ANK1: variants seen among roughly 807,000 people sequenced by gnomAD.
The protein encoded by ANK1 is ankyrin-1.
ANK1 carries 51 observed loss-of-function variants against 210.4 expected under a neutral mutation model. The observed-to-expected ratio is 0.24, with a 90% CI of 0.19 to 0.31. The LOEUF is 0.31. Among genes scored for constraint, ANK1 ranks in the 10% least tolerant of loss-of-function variants. ANK1 has a pLI of 1.00. For missense variants in ANK1, 2,051 were observed against 2,504.4 expected (o/e 0.82, Z 3.86); for synonymous variants, 967 against 1,025.9 (o/e 0.94, Z 1.10).
chr8:41,880,425 A>G (rs1483017325), intron 1 of ANK1, among the ~76,000 whole-genome samples: 2 of 152,240 alleles, frequency 1.3e-5, no homozygotes, highest in African/African-American at 4.8e-5. Context: ...AAGGCATTCC[A>G]GGAGTGATTT....
intron 3 of ANK1, among the ~76,000 whole-genome samples, chr8:41,730,427 AC>A (rs1831857770): frequency 6.7e-6 from 1 of 149,492 alleles, no homozygotes; most frequent in African/African-American, 2.5e-5. Flanking sequence ...AAACAGTGAG[AC>A]CCAGTCTGTC....
At chr8:41,743,822 AT>A (rs1426990117) in intron 2 of ANK1, among the ~76,000 whole-genome samples, 1 of 152,214 alleles carries the variant, frequency 6.6e-6, no homozygotes, top group Non-Finnish European at 1.5e-5. Flanking sequence ...ATATATATAT[AT>A]ACATAGACAG....
rs568303718 is a variant in ANK1, at chr8:41,860,250, C to G, written c.126+36105G>C. 1.3e-4 allele frequency among the ~76,000 whole-genome samples: 20 copies of G among 152,284 alleles called. 1 individual carries two copies. In the South Asian group the frequency reaches 3.9e-3, roughly 30 times the overall value. On this transcript the variant is annotated intron_variant, in intron 1 of 42. Coordinates refer to the ANK1 transcript ENST00000265709. Reference sequence around the variant, plus strand: ...TAAGAATAGCTCGAGATTTATCCCCCACGCTGGACAGTCCTGCTTGGCCCA... The same window carrying G: ...TAAGAATAGCTCGAGATTTATCCCCGACGCTGGACAGTCCTGCTTGGCCCA...
intron 39 of ANK1, chr8:41,665,442 C>CTGTGT (rs1810170705): frequency 2.3e-6 from 1 of 425,536 alleles, no homozygotes; most frequent in African/African-American, 2.1e-5. Context: ...CCGCCCTGCC[C>CTGTGT]AGAGACCTGG....
chr8:41,812,848 T>C (rs1295127721), intron 1 of ANK1, among the ~76,000 whole-genome samples: 2 of 152,150 alleles, frequency 1.3e-5, no homozygotes, highest in African/African-American at 4.8e-5. Context: ...AACACTCCTA[T>C]GAGAATCTGA....
At chr8:41,671,615 G>GCCCTCCCGGC (rs1258174349) in intron 38 of ANK1, among the ~76,000 whole-genome samples, 392 of 147,464 alleles carry the variant, frequency 2.7e-3, no homozygotes, top group Middle Eastern at 0.011. Flanking sequence ...CCCTAAGTGA[G>GCCCTCCCGGC]ACCTCCCGGC....
intron 1 of ANK1, among the ~76,000 whole-genome samples, chr8:41,770,766 A>G (rs1316483446): frequency 6.6e-6 from 1 of 152,236 alleles, no homozygotes; most frequent in Non-Finnish European, 1.5e-5. Flanking sequence ...CACAACTACA[A>G]ACATGTTGCT....
intron 1 of ANK1, among the ~76,000 whole-genome samples, chr8:41,803,805 A>G (rs1315569873): frequency 1.3e-5 from 2 of 151,884 alleles, no homozygotes; most frequent in African/African-American, 4.8e-5. Context: ...CTTTTTTGTG[A>G]AGGTGGTACA....
intron 1 of ANK1, among the ~76,000 whole-genome samples, chr8:41,861,433 G>A (rs1035078092): frequency 1.3e-5 from 2 of 152,358 alleles, no homozygotes; most frequent in African/African-American, 4.8e-5. Flanking sequence ...AAGGGCCTGC[G>A]TGAAATTAAC....
intron 1 of ANK1, among the ~76,000 whole-genome samples, chr8:41,768,438 A>G (rs761238525): frequency 1.2e-4 from 19 of 152,226 alleles, no homozygotes; most frequent in African/African-American, 3.9e-4. Context: ...CTCAGCGCCT[A>G]TTAGCTGATG....
At chr8:41,723,723 G>T in intron 7 of ANK1, 90 bp from the exon 8 acceptor site, 3 of 1,100,012 alleles carry the variant, frequency 2.7e-6, no homozygotes, top group Non-Finnish European at 4.1e-6. Flanking sequence ...CCAGCCCCCA[G>T]TCCCCAGGCC....
intron 1 of ANK1, among the ~76,000 whole-genome samples, chr8:41,809,435 A>G (rs537531032): frequency 6.6e-6 from 1 of 152,312 alleles, no homozygotes; most frequent in South Asian, 2.1e-4. Flanking sequence ...TGGAGTTTCA[A>G]TTATCATGAA....
intron 1 of ANK1, among the ~76,000 whole-genome samples, chr8:41,815,633 G>T (rs893841341): frequency 2.0e-5 from 3 of 151,866 alleles, no homozygotes; most frequent in African/African-American, 7.3e-5. Context: ...TACTTTCCTT[G>T]TATACTTTCT....
At chr8:41,765,137 TTC>T (rs1210715290) in intron 1 of ANK1, among the ~76,000 whole-genome samples, 11 of 151,362 alleles carry the variant, frequency 7.3e-5, no homozygotes, top group African/African-American at 2.7e-4. Flanking sequence ...CTCTCTCTCT[TTC>T]TCTCTTTCCT....
chr8:41,700,437 T>G, intron 22 of ANK1: 1 of 1,613,788 alleles, frequency 6.2e-7, no homozygotes, highest in African/African-American at 1.3e-5. Flanking sequence ...ATACCCATTA[T>G]AGTTATATGA....
chr8:41,765,159 C>T (rs73621172), intron 1 of ANK1, among the ~76,000 whole-genome samples: 5,942 of 144,646 alleles, frequency 0.041, 399 homozygotes, highest in African/African-American at 0.14. Context: ...TTCTTCCTTC[C>T]TTTCCTTTCT....
Position 41,690,669 on chromosome 8 carries a change from C to T in ANK1, c.3859-70G>A, listed in dbSNP as rs868614969. 4.8e-5 allele frequency: 76 copies of T among 1,570,096 alleles called. No homozygotes were observed. In the South Asian group the frequency reaches 6.2e-4, roughly 13 times the overall value. ...GCCCAGATGTCCCTCCTTCCACCTT[C>T]GGTCCTTCCCTCTCCAAGACACACC... On this transcript the variant is annotated intron_variant, in intron 31 of 42. Transcript: ENST00000289734.
At chr8:41,819,778 G>A (rs1803900882) in intron 1 of ANK1, among the ~76,000 whole-genome samples, 1 of 152,212 alleles carries the variant, frequency 6.6e-6, no homozygotes, top group Admixed American at 6.5e-5. Flanking sequence ...ACCCCAGCCT[G>A]GCAGAGGCCA....
rs35341809 is a variant in ANK1, at chr8:41,856,874, C to CTTTTTT, written c.126+39475_126+39480dup. Reference sequence around the variant, plus strand: ...TTTCGCCTTGGTGCTTAACAGCCCTCTTTTTTTTTTTTTTTTTTTTTTTTT... The same window carrying CTTTTTT: ...TTTCGCCTTGGTGCTTAACAGCCCTCTTTTTTTTTTTTTTTTTTTTTTTTTTTTTTT... On this transcript the variant is annotated intron_variant, in intron 1 of 42. Coordinates refer to the ANK1 transcript ENST00000265709. 8.9e-4 allele frequency among the ~76,000 whole-genome samples: 85 copies of CTTTTTT among 95,268 alleles called. 1 individual carries two copies. Among genetic ancestry groups the CTTTTTT allele is most frequent in the African/African-American group, 3.8e-3 (80 of 20,834 alleles). The allele number at this position is 95,268 out of a possible 152,430, so 62.5% of individuals were successfully genotyped here.
Sources: allele counts gnomAD v4.1 joint callset (sites outside exome capture counted in the v4.1 genomes callset), GRCh38; gene constraint gnomAD v4.1.1; transcripts MANE v1.5; gene names NCBI Gene and HGNC (gene_info 2026-07-23, HGNC 2026-07-21).